MAGI2: variants seen among roughly 807,000 people sequenced by gnomAD.
The protein encoded by MAGI2 is membrane associated guanylate kinase, WW and PDZ domain containing 2.
In MAGI2, 35 loss-of-function variants were observed where a neutral mutation model predicts 133.3. The observed-to-expected ratio is 0.26, with a 90% confidence interval of 0.20 to 0.35. The LOEUF is 0.35. Among genes scored for constraint, MAGI2 ranks in the 10% least tolerant of loss-of-function variants. The pLI, the probability that MAGI2 is intolerant of heterozygous loss-of-function variation, is 1.00. For synonymous variants in MAGI2, 729 were observed against 710.6 expected (o/e 1.03, Z -0.41); for missense variants, 1,636 against 1,863.4 (o/e 0.88, Z 2.25).
intron 2 of MAGI2, among the ~76,000 whole-genome samples, chr7:78,765,551 G>T (rs1020161325): frequency 6.6e-6 from 1 of 151,880 alleles, no homozygotes; most frequent in Non-Finnish European, 1.5e-5. Context: ...GTTTCTCTAT[G>T]TTGGCCAGGC....
chr7:78,892,075 T>C (rs934113859), intron 2 of MAGI2, among the ~76,000 whole-genome samples: 1 of 152,170 alleles, frequency 6.6e-6, no homozygotes, highest in Non-Finnish European at 1.5e-5. Context: ...AGCATTCTTA[T>C]ACACCAATAG....
chr7:78,665,147 T>C (rs893662463), intron 2 of MAGI2, among the ~76,000 whole-genome samples: 10 of 152,146 alleles, frequency 6.6e-5, no homozygotes, highest in African/African-American at 2.4e-4. Flanking sequence ...TTTGTATACA[T>C]ATCTATGATT....
intron 1 of MAGI2, among the ~76,000 whole-genome samples, chr7:79,287,304 G>A (rs528853489): frequency 6.6e-6 from 1 of 152,008 alleles, no homozygotes; most frequent in African/African-American, 2.4e-5. Context: ...GTTTCCCTCC[G>A]CAGGGCTTCT....
chr7:78,132,789 A>G (rs2150530505), intron 18 of MAGI2, 100 bp downstream of exon 18: 1 of 1,543,300 alleles, frequency 6.5e-7, no homozygotes, highest in Admixed American at 1.9e-5. Flanking sequence ...TCTACTTTAT[A>G]AAAGTCTCTC....
chr7:78,938,227 C>A (rs1297501638), intron 2 of MAGI2, among the ~76,000 whole-genome samples: 1 of 151,842 alleles, frequency 6.6e-6, no homozygotes, highest in Non-Finnish European at 1.5e-5. Flanking sequence ...AACGGCAAAT[C>A]TGACAAAAAA....
chr7:78,781,298 G>A (rs111624885), intron 2 of MAGI2, among the ~76,000 whole-genome samples: 40 of 146,468 alleles, frequency 2.7e-4, no homozygotes, highest in African/African-American at 9.1e-4. Flanking sequence ...AGAATGGCAT[G>A]AACCCAGGAC....
At chr7:78,521,022 CGAA>C (rs1796449802) in intron 4 of MAGI2, among the ~76,000 whole-genome samples, 1 of 151,946 alleles carries the variant, frequency 6.6e-6, no homozygotes, top group Non-Finnish European at 1.5e-5. Context: ...AGCAAGATTT[CGAA>C]GAATAGATTT....
At chr7:78,938,394 A>T (rs1357994999) in intron 2 of MAGI2, among the ~76,000 whole-genome samples, 3 of 152,140 alleles carry the variant, frequency 2.0e-5, no homozygotes, top group African/African-American at 7.2e-5. Context: ...GTAAAAAAAA[A>T]TTAGGATTCA....
intron 21 of MAGI2, among the ~76,000 whole-genome samples, chr7:78,070,162 T>TACAC (rs1304325793): frequency 0.013 from 685 of 53,284 alleles, 3 homozygotes; most frequent in South Asian, 0.052. Flanking sequence ...CACATATATA[T>TACAC]ACACACACAC....
chr7:79,258,975 A>G (rs1833889111), intron 1 of MAGI2, among the ~76,000 whole-genome samples: 1 of 152,176 alleles, frequency 6.6e-6, no homozygotes, highest in African/African-American at 2.4e-5. Flanking sequence ...CTTTCAAGCT[A>G]AACAGCTGTG....
chr7:78,904,785 G>A (rs1185373315), intron 2 of MAGI2, among the ~76,000 whole-genome samples: 1 of 152,126 alleles, frequency 6.6e-6, no homozygotes, highest in Non-Finnish European at 1.5e-5. Context: ...TTATAGGTGT[G>A]AGCCACCCCT....
At chr7:79,407,429 T>C (rs897664507) in intron 1 of MAGI2, among the ~76,000 whole-genome samples, 1 of 152,160 alleles carries the variant, frequency 6.6e-6, no homozygotes, top group Non-Finnish European at 1.5e-5. Context: ...ATCCAGATTT[T>C]TGACATACTA....
At chr7:79,019,969 G>T (rs971836971) in intron 1 of MAGI2, among the ~76,000 whole-genome samples, 2 of 152,210 alleles carry the variant, frequency 1.3e-5, no homozygotes, top group Non-Finnish European at 2.9e-5. Context: ...TGGGTAAAAG[G>T]CAAAGGTTAG....
intron 2 of MAGI2, among the ~76,000 whole-genome samples, chr7:78,690,715 A>C (rs1056165552): frequency 3.9e-5 from 6 of 152,218 alleles, no homozygotes; most frequent in Non-Finnish European, 7.3e-5. Context: ...CATTGACCAT[A>C]AGAGTAAAAA....
intron 2 of MAGI2, among the ~76,000 whole-genome samples, chr7:78,758,254 A>G (rs1824154603): frequency 6.6e-6 from 1 of 151,880 alleles, no homozygotes; most frequent in Non-Finnish European, 1.5e-5. Flanking sequence ...TCTCCCTCAT[A>G]CAAGACAGGG....
intron 2 of MAGI2, among the ~76,000 whole-genome samples, chr7:78,815,072 T>C (rs755973633): frequency 3.3e-5 from 5 of 152,142 alleles, no homozygotes; most frequent in Admixed American, 2.6e-4. Context: ...CTTATTTCTA[T>C]ATATATATGT....
At chr7:78,085,579 C>CACA (rs916338895) in intron 20 of MAGI2, among the ~76,000 whole-genome samples, 1 of 144,450 alleles carries the variant, frequency 6.9e-6, no homozygotes, top group African/African-American at 2.7e-5. Context: ...CACACACACA[C>CACA]ACAAACAAAA....
intron 2 of MAGI2, among the ~76,000 whole-genome samples, chr7:78,999,434 T>G (rs921380720): frequency 6.6e-6 from 1 of 152,168 alleles, no homozygotes; most frequent in African/African-American, 2.4e-5. Flanking sequence ...TTGAAGCCAT[T>G]TATATTCTGT....
intron 1 of MAGI2, among the ~76,000 whole-genome samples, chr7:79,286,441 C>T (rs1223013085): frequency 6.6e-6 from 1 of 151,998 alleles, no homozygotes; most frequent in Non-Finnish European, 1.5e-5. Flanking sequence ...GTAAATCACA[C>T]TCCACGGCAC....
Sources: allele counts gnomAD v4.1 joint callset (sites outside exome capture counted in the v4.1 genomes callset), GRCh38; gene constraint gnomAD v4.1.1; transcripts MANE v1.5; gene names NCBI Gene and HGNC (gene_info 2026-07-23, HGNC 2026-07-21).